Variants in ALMS1 observed in about 807,000 individuals in gnomAD.
The protein encoded by ALMS1 is centrosome-associated protein ALMS1.
ALMS1 carries 271 observed loss-of-function variants against 352.2 expected under a neutral mutation model. The observed-to-expected ratio is 0.77, with a 90% CI of 0.70 to 0.85. The LOEUF (loss-of-function observed/expected upper bound fraction) is 0.85. Ranked by LOEUF, ALMS1 falls within the 40% of genes least tolerant of loss-of-function variation. The pLI, the probability that ALMS1 is intolerant of heterozygous loss-of-function variation, is 0.00. For missense variants in ALMS1, 5,445 were observed against 4,870.7 expected (o/e 1.12, Z -3.51); for synonymous variants, 1,865 against 1,761.2 (o/e 1.06, Z -1.48).
rs778268073 is a variant in ALMS1, at chr2:73,448,115, A to G, written c.1588A>G (p.Thr530Ala). Residue 530 changes from threonine to alanine, a missense_variant, in exon 8 of 23, where the codon ACT becomes GCT. Physicochemically the swap from Thr to Ala is moderately conservative, Grantham distance 58. Transcript: ENST00000613296. The stretch of plus-strand genomic sequence containing the variant: ...TGTAAGTTCTCCTCTAGAAACTACT[A>G]CTGGTCAACACACTGATACTCTCAA... ...LAVSSPLETT[T>A]GQHTDTLNQK... The G allele has an allele frequency of 2.5e-5, 41 of 1,613,746 alleles. No individual in the cohort carries two copies. The highest frequency in any genetic ancestry group is 3.4e-5 in the Non-Finnish European group (40 of 1,179,860).
chr2:73,603,840 AC>A (rs1251043194), intron 21 of ALMS1: 1 of 153,572 alleles, frequency 6.5e-6, no homozygotes, highest in African/African-American at 2.4e-5. Context: ...AGTCTGGGCG[AC>A]AGAACGAGAC....
At chr2:73,421,919 A>G (rs1217201836) in intron 3 of ALMS1, among the ~76,000 whole-genome samples, 1 of 152,162 alleles carries the variant, frequency 6.6e-6, no homozygotes, top group Non-Finnish European at 1.5e-5. Flanking sequence ...TTAAAATAAG[A>G]ATGATTTAAG....
Position 73,408,864 on chromosome 2 carries a change from CTTTTTTTTTTTT to C in ALMS1, c.450+132_450+143del, listed in dbSNP as rs58686365. On this transcript the variant is annotated intron_variant, in intron 2 of 22. Coordinates refer to ENST00000613296, the MANE Select transcript of ALMS1 (RefSeq NM_001378454.1). ...ATTCATTAATATTATGTTTTCTTGTCTTTTTTTTTTTTTTTTTTTTTTTTTTAAGACAGGGTC... is the reference window on the plus strand; with the variant it reads ...ATTCATTAATATTATGTTTTCTTGTCTTTTTTTTTTTTTTAAGACAGGGTC... The C allele has an allele frequency of 5.4e-3, 1,022 of 188,574 alleles. 18 individuals are homozygous for C. Among genetic ancestry groups the C allele is most frequent in the African/African-American group, 0.042 (923 of 21,846 alleles). 11.7% of individuals were successfully genotyped at this position (188,574 alleles called of 1,614,324 possible). A position where few individuals can be genotyped will look rare whatever the true frequency, so the allele number is the denominator to read the frequency against.
chr2:73,575,374 A>G (rs1249526590), intron 16 of ALMS1, among the ~76,000 whole-genome samples: 1 of 152,190 alleles, frequency 6.6e-6, no homozygotes, highest in Non-Finnish European at 1.5e-5. Flanking sequence ...TCAGCAGTGT[A>G]TAAGGGTTCC....
intron 10 of ALMS1, among the ~76,000 whole-genome samples, chr2:73,497,275 T>C (rs577191298): frequency 9.9e-5 from 15 of 152,244 alleles, no homozygotes; most frequent in African/African-American, 3.4e-4. Context: ...CTTCTAGATA[T>C]GGGTTTCTTC....
At position 73,385,920 on chromosome 2, in the gene ALMS1, G is replaced by GAGGAGT. The variant is rs1574423697; in HGVS notation, c.57_58insTAGGAG (p.Glu19_Glu20insTer). The GAGGAGT allele has an allele frequency of 3.2e-6, 3 of 923,242 alleles. No individual in the cohort carries two copies. Among genetic ancestry groups the GAGGAGT allele is most frequent in the Non-Finnish European group, 5.1e-6 (3 of 584,850 alleles). 57.2% of individuals were successfully genotyped at this position (923,242 alleles called of 1,614,324 possible). A position where few individuals can be genotyped will look rare whatever the true frequency, so the allele number is the denominator to read the frequency against. On this transcript the variant is annotated stop_gained and inframe_insertion, in exon 1 of 23. Transcript: ENST00000613296. LOFTEE classifies it high-confidence loss of function. ...GGGCGAGCTGGAGGAGGAGGAGGAGGAGGAGGAGGAGGAGGAGGAGGAAGA... is the reference window on the plus strand; with the variant it reads ...GGGCGAGCTGGAGGAGGAGGAGGAGGAGGAGTAGGAGGAGGAGGAGGAGGAGGAAGA...
intron 1 of ALMS1, among the ~76,000 whole-genome samples, chr2:73,394,979 CA>C (rs1435433405): frequency 3.4e-5 from 4 of 117,524 alleles, no homozygotes; most frequent in Admixed American, 8.4e-5. Flanking sequence ...TGGTATTTTA[CA>C]TATATATGTG....
Position 73,489,825 on chromosome 2 carries a change from C to T in ALMS1, c.7866C>T (p.Cys2622=), listed in dbSNP as rs772164111. 2 of 1,614,184 alleles carry T rather than the reference C, an allele frequency of 1.2e-6. No individual in the cohort carries two copies. Among genetic ancestry groups the T allele is most frequent in the South Asian group, 2.2e-5 (2 of 91,082 alleles). ...GAGGACGGCAGAACCCATCATCATG[C>T]AGAGCCAAGCATGTCAACCTTTCTG... The part of the protein sequence containing the change: ...MTRGRQNPSS[C]RAKHVNLSAS... The change falls in exon 10 of 23, where the codon TGC becomes TGT. Residue 2622 remains cysteine, a synonymous_variant. Transcript: ENST00000613296.
intron 1 of ALMS1, among the ~76,000 whole-genome samples, chr2:73,397,324 T>A (rs1670783678): frequency 6.6e-6 from 1 of 152,194 alleles, no homozygotes; most frequent in Non-Finnish European, 1.5e-5. Flanking sequence ...AACAATAGTT[T>A]GCCCTTCATC....
intron 2 of ALMS1, among the ~76,000 whole-genome samples, chr2:73,418,652 G>A (rs1453845816): frequency 2.0e-5 from 3 of 152,196 alleles, no homozygotes; most frequent in Non-Finnish European, 4.4e-5. Flanking sequence ...CAGAAAGTCT[G>A]TTCCTTTTTG....
chr2:73,414,463 CT>C (rs1671140658), intron 2 of ALMS1, among the ~76,000 whole-genome samples: 1 of 53,002 alleles, frequency 1.9e-5, no homozygotes, highest in South Asian at 9.3e-4. Context: ...TATGTCATTT[CT>C]TTTTTTCCGT....
chr2:73,529,193 G>A (rs767846113), intron 11 of ALMS1, among the ~76,000 whole-genome samples: 24 of 151,766 alleles, frequency 1.6e-4, no homozygotes, highest in Non-Finnish European at 2.6e-4. Flanking sequence ...ACAGGGGTGC[G>A]CCACCACACC....
At chr2:73,457,785 C>T (rs957109745) in intron 9 of ALMS1, among the ~76,000 whole-genome samples, 2 of 151,880 alleles carry the variant, frequency 1.3e-5, no homozygotes, top group Non-Finnish European at 2.9e-5. Flanking sequence ...GTAATCCTAG[C>T]ACTTTGGGAA....
chr2:73,564,099 A>T (rs970856162), intron 15 of ALMS1, among the ~76,000 whole-genome samples: 1 of 127,364 alleles, frequency 7.9e-6, no homozygotes, highest in South Asian at 2.4e-4. Flanking sequence ...GGTTAAACTT[A>T]AAAAAAAAAC....
chr2:73,391,184 A>G (rs1187128627), intron 1 of ALMS1, among the ~76,000 whole-genome samples: 1 of 151,882 alleles, frequency 6.6e-6, no homozygotes, highest in Non-Finnish European at 1.5e-5. Context: ...AGCAGGTTAC[A>G]GTTTCAAAGA....
intron 16 of ALMS1, among the ~76,000 whole-genome samples, chr2:73,576,170 A>C (rs577113254): frequency 6.6e-6 from 1 of 152,148 alleles, no homozygotes. Flanking sequence ...CTGTTAGTCT[A>C]TATATCTCTC....
chr2:73,601,371 C>G lies in ALMS1; in HGVS notation c.12049C>G (p.Leu4017Val), dbSNP rs1351891365. ...GCAGCACCTGGACGGTCGGGGCTACCTGGCAGGCCCAGGCAGAGAGGCTGG... is the reference window on the plus strand; with the variant it reads ...GCAGCACCTGGACGGTCGGGGCTACGTGGCAGGCCCAGGCAGAGAGGCTGG... ...QGQHLDGRGYLAGPGREAGRD... is the reference protein window; with the variant it reads ...QGQHLDGRGYVAGPGREAGRD... Residue 4017 changes from leucine to valine, a missense_variant, in exon 19 of 23, where the codon CTG becomes GTG. By Grantham distance (32) the Leu-to-Val change is conservative (BLOSUM62 1). Transcript: ENST00000613296. 1.2e-6 allele frequency: 2 copies of G among 1,614,048 alleles called. No homozygotes were observed. The highest frequency in any genetic ancestry group is 2.7e-5 in the African/African-American group (2 of 74,944).
chr2:73,537,156 A>G (rs1674045956), intron 12 of ALMS1, among the ~76,000 whole-genome samples: 1 of 152,230 alleles, frequency 6.6e-6, no homozygotes. Flanking sequence ...GATGTTTATC[A>G]AAAACATTTA....
At position 73,449,745 on chromosome 2, in the gene ALMS1, G is replaced by A; in HGVS notation, c.3218G>A (p.Ser1073Asn). 1.2e-6 allele frequency: 2 copies of A among 1,613,966 alleles called. No individual in the cohort carries two copies. Among genetic ancestry groups the A allele is most frequent in the Non-Finnish European group, 1.7e-6 (2 of 1,179,940 alleles). ...VLSDSHLPEE[S>N]LKVSAFPGPA... is the part of the protein sequence containing the mutation. Reference sequence around the variant, plus strand: ...TCAGACAGTCATCTACCTGAAGAGAGTCTGAAAGTTTCAGCCTTCCCTGGA... The same window carrying A: ...TCAGACAGTCATCTACCTGAAGAGAATCTGAAAGTTTCAGCCTTCCCTGGA... Residue 1073 changes from serine to asparagine, a missense_variant, in exon 8 of 23, where the codon AGT (serine) becomes AAT (asparagine). Physicochemically the swap from Ser to Asn is conservative, Grantham distance 46. Coordinates refer to ENST00000613296, the MANE Select transcript of ALMS1 (RefSeq NM_001378454.1).
Sources: allele counts gnomAD v4.1 joint callset (sites outside exome capture counted in the v4.1 genomes callset), GRCh38; gene constraint gnomAD v4.1.1; transcripts MANE v1.5; gene names NCBI Gene and HGNC (gene_info 2026-07-23, HGNC 2026-07-21).